TOGARAM1: variants seen among roughly 807,000 people sequenced by gnomAD.
TOGARAM1 encodes the protein TOG array regulator of axonemal microtubules 1.
TOGARAM1 carries 100 observed loss-of-function variants against 166.6 expected under a neutral mutation model. That is an observed-to-expected ratio of 0.60 (90% CI 0.51 to 0.71). The LOEUF (loss-of-function observed/expected upper bound fraction) is 0.71, where lower values mean the gene tolerates loss of function less well. TOGARAM1 is among the 30% of genes least tolerant of loss of function. TOGARAM1 has a pLI of 0.00. For missense variants in TOGARAM1, 2,029 were observed against 2,102.7 expected (o/e 0.96, Z 0.69); for synonymous variants, 758 against 763.8 (o/e 0.99, Z 0.13).
In TOGARAM1 at chr14:45,058,250, A is replaced by ACATAGAT. The variant is rs1260074570; in HGVS notation, c.4559+3701_4559+3702insCATAGAT. On this transcript the variant is annotated intron_variant, in intron 16 of 19. Transcript: ENST00000361462. ...TTTGAAGGTTGTGTTATCTGATGTA[A>ACATAGAT]ACATAGCTACACCTGATCACTTTTG... is the stretch of plus-strand genomic sequence containing the variant. Among the ~76,000 whole-genome samples the ACATAGAT allele has an allele frequency of 6.3e-4, 96 of 151,396 alleles. 2 individuals are homozygous for ACATAGAT. The highest frequency in any genetic ancestry group is 2.5e-4 in the Non-Finnish European group (17 of 67,892).
Position 44,963,757 on chromosome 14 carries a change from GACA to G in TOGARAM1, c.1341_1343del (p.Asn447del), listed in dbSNP as rs1368576713. The G allele has an allele frequency of 3.1e-6, 5 of 1,613,750 alleles. No individual in the cohort carries two copies. The highest frequency in any genetic ancestry group is 1.3e-5 in the African/African-American group (1 of 74,926). On this transcript the variant is annotated inframe_deletion, in exon 1 of 20. Coordinates refer to ENST00000361462, the MANE Select transcript of TOGARAM1 (RefSeq NM_001308120.2). ...AGCAGCTTCTGTCAAAGTGCTGGCGGACAACAAGTTGGTGATCAAACAAGAATA... is the reference window on the plus strand; with the variant it reads ...AGCAGCTTCTGTCAAAGTGCTGGCGGACAAGTTGGTGATCAAACAAGAATA...
intron 7 of TOGARAM1, among the ~76,000 whole-genome samples, chr14:45,015,898 A>G (rs114878366): frequency 0.016 from 2,404 of 152,226 alleles, 70 homozygotes; most frequent in African/African-American, 0.054. Flanking sequence ...TTAAGATTTA[A>G]TATCTCTAAA....
At chr14:45,011,785 A>ATG (rs113794576) in intron 6 of TOGARAM1, 190 bp from the exon 7 acceptor site, 18,301 of 412,146 alleles carry the variant, frequency 0.044, 171 homozygotes, top group East Asian at 0.11. Flanking sequence ...CAAAATATAT[A>ATG]TGTGTGTGTG....
In TOGARAM1 at chr14:44,962,368, G is replaced by T. The variant is rs867104582; in HGVS notation, c.-54G>T. 2 of 1,496,886 alleles carry T rather than the reference G, an allele frequency of 1.3e-6. No homozygotes were observed. Among genetic ancestry groups the T allele is most frequent in the Admixed American group, 4.6e-5 (2 of 43,828 alleles). 92.7% of individuals were successfully genotyped at this position (1,496,886 alleles called of 1,614,324 possible). ...GATCTGGAAGTCTGGGCTCCATCGA[G>T]CCCTTTGGAGACGGCAATGGTTTCT... On this transcript the variant is annotated 5_prime_UTR_variant, in exon 1 of 20. Coordinates refer to ENST00000361462, the MANE Select transcript of TOGARAM1 (RefSeq NM_001308120.2).
At chr14:45,008,090 C>T (rs563820306) in intron 5 of TOGARAM1, 1 of 152,272 alleles carries the variant, frequency 6.6e-6, no homozygotes, top group African/African-American at 2.4e-5. Context: ...TTTGCTTTAA[C>T]TGAAAACAGA....
At chr14:44,997,812 A>AAG (rs1273784667) in intron 2 of TOGARAM1, among the ~76,000 whole-genome samples, 1 of 152,150 alleles carries the variant, frequency 6.6e-6, no homozygotes, top group Non-Finnish European at 1.5e-5. Context: ...CAAAAAAAAA[A>AAG]AAGAAGAAGA....
chr14:44,973,795 G>T (rs988519691), intron 1 of TOGARAM1, among the ~76,000 whole-genome samples: 85 of 146,294 alleles, frequency 5.8e-4, no homozygotes, highest in Non-Finnish European at 9.1e-4. Flanking sequence ...AAATTGATGG[G>T]TTTTTTTTTT....
intron 11 of TOGARAM1, among the ~76,000 whole-genome samples, chr14:45,039,885 G>T (rs1881638228): frequency 3.3e-5 from 5 of 152,152 alleles, no homozygotes; most frequent in Admixed American, 3.3e-4. Flanking sequence ...TGGCTCCAGG[G>T]AGCACACAGT....
At chr14:45,046,865 T>C (rs565018391) in intron 14 of TOGARAM1, among the ~76,000 whole-genome samples, 162 bp downstream of exon 14, 3 of 152,246 alleles carry the variant, frequency 2.0e-5, no homozygotes, top group Non-Finnish European at 2.9e-5. Context: ...GTAAATATTC[T>C]TGAGGGAGTG....
Position 44,964,122 on chromosome 14 carries a change from T to C in TOGARAM1, c.1701T>C (p.Asn567=), listed in dbSNP as rs764077021. The C allele has an allele frequency of 5.7e-5, 92 of 1,614,116 alleles. No homozygotes were observed. The highest frequency in any genetic ancestry group is 4.5e-4 in the East Asian group (20 of 44,892). ...ELQDNGDGVM[N]AVQARLARKT... is the part of the protein sequence containing the mutation. Reference sequence around the variant, plus strand: ...AAGATAATGGAGATGGAGTGATGAATGCTGTGCAGGCCAGATTGGCTAGGA... The same window carrying C: ...AAGATAATGGAGATGGAGTGATGAACGCTGTGCAGGCCAGATTGGCTAGGA... The change falls in exon 1 of 20, where the codon AAT becomes AAC. Residue 567 remains asparagine (N), a synonymous_variant. Transcript: ENST00000361462.
intron 7 of TOGARAM1, among the ~76,000 whole-genome samples, chr14:45,019,521 C>T (rs1235300460): frequency 6.6e-6 from 1 of 151,984 alleles, no homozygotes; most frequent in African/African-American, 2.4e-5. Context: ...AAATAGAGCT[C>T]CCATACAAAG....
At chr14:45,063,479 G>GT (rs373702236) in intron 16 of TOGARAM1, among the ~76,000 whole-genome samples, 3,039 of 118,648 alleles carry the variant, frequency 0.026, 29 homozygotes, top group Non-Finnish European at 0.035. Context: ...ATTTGACAAA[G>GT]TTTTTTTTTT....
At chr14:45,048,003 C>T (rs1007352218) in intron 14 of TOGARAM1, among the ~76,000 whole-genome samples, 1 of 147,098 alleles carries the variant, frequency 6.8e-6, no homozygotes. Flanking sequence ...TTGCAGTGAG[C>T]TGAGATTGTG....
chr14:44,974,670 A>T (rs1291276143), intron 1 of TOGARAM1, among the ~76,000 whole-genome samples: 1 of 152,108 alleles, frequency 6.6e-6, no homozygotes, highest in Non-Finnish European at 1.5e-5. Context: ...TAGTGCTTTA[A>T]TTACACTTTT....
At chr14:45,040,745 T>A (rs779473679) in intron 11 of TOGARAM1, among the ~76,000 whole-genome samples, 1 of 152,066 alleles carries the variant, frequency 6.6e-6, no homozygotes, top group Non-Finnish European at 1.5e-5. Flanking sequence ...CATAAAGAAA[T>A]AGATAACTTG....
chr14:45,011,860 C>G, intron 6 of TOGARAM1, 115 bp from the exon 7 acceptor site: 1 of 635,998 alleles, frequency 1.6e-6, no homozygotes, highest in Non-Finnish European at 2.7e-6. Context: ...ATACTTATTG[C>G]TCCCTTATTA....
chr14:44,997,756 C>G (rs1403284552), intron 2 of TOGARAM1, among the ~76,000 whole-genome samples: 1 of 150,208 alleles, frequency 6.7e-6, no homozygotes, highest in African/African-American at 2.5e-5. Context: ...ATGCCGAGAT[C>G]ACACCACTAC....
Position 44,995,739 on chromosome 14 carries a change from C to T in TOGARAM1, c.2047-7C>T. The T allele has an allele frequency of 6.5e-7, 1 of 1,541,414 alleles. No homozygotes were observed. Among genetic ancestry groups the T allele is most frequent in the Non-Finnish European group, 8.7e-7 (1 of 1,145,748 alleles). ...AAATTTGCTAATTTATGATTCTGTT[C>T]TTATAGTTTTCAACATATGATTTCA... On this transcript the variant is annotated splice_polypyrimidine_tract_variant and splice_region_variant and intron_variant, in intron 1 of 19. Transcript: ENST00000361462.
chr14:45,044,478 T>C (rs946488280), intron 12 of TOGARAM1, among the ~76,000 whole-genome samples, 157 bp from the exon 13 acceptor site: 2 of 151,658 alleles, frequency 1.3e-5, no homozygotes, highest in African/African-American at 4.8e-5. Flanking sequence ...GAGGCAGAGG[T>C]TACAGTGAGC....
Sources: gnomAD v4.1 joint callset for allele counts (sites outside exome capture counted in the v4.1 genomes callset) on GRCh38, gnomAD v4.1.1 for gene constraint, MANE v1.5 for transcripts, NCBI Gene and HGNC (gene_info 2026-07-23, HGNC 2026-07-21) for gene names.